The following ABRAXAS1 variants were observed in gnomAD, a reference collection of about 807,000 sequenced individuals.
ABRAXAS1 encodes the protein abraxas 1, BRCA1 A complex subunit, also known as BRCA1-A complex subunit Abraxas 1.
In ABRAXAS1, 26 loss-of-function variants were observed where a neutral mutation model predicts 38.4. The observed-to-expected ratio is 0.68, with a 90% CI of 0.50 to 0.94. ABRAXAS1 has a LOEUF of 0.94. ABRAXAS1 is among the 40% of genes least tolerant of loss of function. The pLI is 0.00. For synonymous variants in ABRAXAS1, 144 were observed against 165.5 expected (o/e 0.87, Z 1.00); for missense variants, 438 against 481.9 (o/e 0.91, Z 0.85).
intron 4 of ABRAXAS1, among the ~76,000 whole-genome samples, chr4:83,470,601 G>C (rs368005955): frequency 2.6e-5 from 4 of 151,760 alleles, no homozygotes; most frequent in African/African-American, 9.7e-5. Flanking sequence ...CATTTGAAAG[G>C]GTACGGTTTT....
chr4:83,468,028 C>T (rs911509338), intron 6 of ABRAXAS1, among the ~76,000 whole-genome samples: 5 of 152,100 alleles, frequency 3.3e-5, no homozygotes, highest in African/African-American at 9.7e-5. Context: ...TCTTGCCGGG[C>T]GCGGTGGCTC....
At chr4:83,481,018 GCTA>G (rs1158012250) in intron 2 of ABRAXAS1, among the ~76,000 whole-genome samples, 1 of 151,952 alleles carries the variant, frequency 6.6e-6, no homozygotes, top group African/African-American at 2.4e-5. Flanking sequence ...TGTAATCCCA[GCTA>G]CTTGGGAGGC....
intron 7 of ABRAXAS1, among the ~76,000 whole-genome samples, chr4:83,466,205 T>G (rs1469602256): frequency 1.3e-5 from 2 of 152,184 alleles, no homozygotes; most frequent in African/African-American, 4.8e-5. Context: ...CCCCCTCTCC[T>G]TTCTCAGGGG....
intron 1 of ABRAXAS1, 143 bp downstream of exon 1, chr4:83,484,843 G>T (rs1403468478): frequency 1.7e-6 from 1 of 590,336 alleles, no homozygotes; most frequent in East Asian, 3.4e-5. Context: ...CGCTGAGGGG[G>T]AGAGAAGGCA....
chr4:83,459,889 T>A lies in ABRAXAS1; in HGVS notation c.*2580A>T. 6.4e-6 allele frequency: 7 copies of A among 1,099,744 alleles called. No individual in the cohort carries two copies. The highest frequency in any genetic ancestry group is 9.3e-6 in the Non-Finnish European group (7 of 751,830). The allele number at this position is 1,099,744 out of a possible 1,614,324, so 68.1% of individuals were successfully genotyped here. On this transcript the variant is annotated 3_prime_UTR_variant, in exon 9 of 9. Transcript: ENST00000321945. ...TAAGAAAACTCAAATTTTCAAATTG[T>A]GCTATAAATTACTACTAGATCAGAT...
At chr4:83,467,409 G>T in intron 7 of ABRAXAS1, 45 bp downstream of exon 7, 1 of 1,049,344 alleles carries the variant, frequency 9.5e-7, no homozygotes, top group South Asian at 1.3e-5. Flanking sequence ...AACTTGATAT[G>T]AACTCTATCT....
intron 3 of ABRAXAS1, 95 bp from the exon 4 acceptor site, chr4:83,472,383 C>A: frequency 1.5e-6 from 1 of 664,938 alleles, no homozygotes. Flanking sequence ...ACCCAACTAC[C>A]AAAGCCCATA....
chr4:83,473,827 T>TA (rs1389244475), intron 3 of ABRAXAS1, among the ~76,000 whole-genome samples: 1 of 151,306 alleles, frequency 6.6e-6, no homozygotes. Context: ...CATAATTTTT[T>TA]AAAAAGTGAC....
Position 83,461,245 on chromosome 4 carries a change from T to C in ABRAXAS1, c.*1224A>G, listed in dbSNP as rs781318612. The C allele has an allele frequency of 4.4e-5, 69 of 1,552,828 alleles. No individual in the cohort carries two copies. The highest frequency in any genetic ancestry group is 5.9e-5 in the Non-Finnish European group (67 of 1,127,200). On this transcript the variant is annotated 3_prime_UTR_variant, in exon 9 of 9. Coordinates refer to ENST00000321945, the MANE Select transcript of ABRAXAS1 (RefSeq NM_139076.3). ...AAACTTATTTTACAGTAAGTGGTTG[T>C]ATGATGCCAATACTGACTCAAACCA...
chr4:83,459,901 C>T lies in ABRAXAS1; in HGVS notation c.*2568G>A. The T allele has an allele frequency of 3.2e-6, 3 of 950,654 alleles. No individual in the cohort carries two copies. The highest frequency in any genetic ancestry group is 4.8e-6 in the Non-Finnish European group (3 of 626,498). 58.9% of individuals were successfully genotyped at this position (950,654 alleles called of 1,614,324 possible). A position where few individuals can be genotyped will look rare whatever the true frequency, so the allele number is the denominator to read the frequency against. ...AATTTTCAAATTGTGCTATAAATTA[C>T]TACTAGATCAGATACTACAGGGACT... On this transcript the variant is annotated 3_prime_UTR_variant, in exon 9 of 9. Transcript: ENST00000321945.
Position 83,462,908 on chromosome 4 carries a change from C to T in ABRAXAS1, c.797-6G>A. 1 of 1,535,706 alleles carries T rather than the reference C, an allele frequency of 6.5e-7. No homozygotes were observed. The highest frequency in any genetic ancestry group is 8.8e-7 in the Non-Finnish European group (1 of 1,141,434). On this transcript the variant is annotated splice_region_variant and splice_polypyrimidine_tract_variant and intron_variant, in intron 8 of 8. Coordinates refer to ENST00000321945, the MANE Select transcript of ABRAXAS1 (RefSeq NM_139076.3). ...TTTTTGGATGTTCTTCTCTCCTAAA[C>T]AAAATAGAATAACAGTTCAACATAT...
intron 2 of ABRAXAS1, 76 bp downstream of exon 2, chr4:83,482,078 G>A (rs1723016889): frequency 4.3e-6 from 4 of 929,822 alleles, no homozygotes; most frequent in East Asian, 2.6e-5. Context: ...AATAATTTAC[G>A]CTGACCCCTT....
intron 4 of ABRAXAS1, 99 bp from the exon 5 acceptor site, chr4:83,470,495 T>A: frequency 2.3e-6 from 2 of 852,850 alleles, no homozygotes; most frequent in Non-Finnish European, 3.5e-6. Context: ...ATGGCTTTCT[T>A]AATATTTAGA....
chr4:83,480,547 G>T (rs6855427), intron 2 of ABRAXAS1, among the ~76,000 whole-genome samples: 20,625 of 152,074 alleles, frequency 0.14, 4,627 homozygotes, highest in African/African-American at 0.47. Context: ...TTTTAAACTT[G>T]TAAAGTAGCA....
chr4:83,462,576 C>G lies in ABRAXAS1; in HGVS notation c.1123G>C (p.Gly375Arg), dbSNP rs756892998. 7 of 1,614,094 alleles carry G rather than the reference C, an allele frequency of 4.3e-6. No individual in the cohort carries two copies. The highest frequency in any genetic ancestry group is 5.9e-6 in the Non-Finnish European group (7 of 1,179,998). Reference protein sequence around the residue: ...TQDKRSKADTGSSNQDKASKM... With the variant: ...TQDKRSKADTRSSNQDKASKM... Reference sequence around the variant, plus strand: ...GATGCTTTATCTTGGTTACTACTACCAGTATCTGCTTTAGATCGTTTGTCT... The same window carrying G: ...GATGCTTTATCTTGGTTACTACTACGAGTATCTGCTTTAGATCGTTTGTCT... Residue 375 changes from glycine (G) to arginine (R), a missense_variant, in exon 9 of 9, where the codon GGT becomes CGT. By Grantham distance (125) the Gly-to-Arg change is moderately radical. Around this residue, in one of 3 missense-constraint regions of ABRAXAS1, gnomAD observed 184 missense variants for 181.9 expected, o/e 1.01. Coordinates refer to ENST00000321945, the MANE Select transcript of ABRAXAS1 (RefSeq NM_139076.3).
intron 7 of ABRAXAS1, among the ~76,000 whole-genome samples, chr4:83,465,206 G>A (rs1045539186): frequency 2.1e-5 from 3 of 143,690 alleles, no homozygotes; most frequent in Admixed American, 7.6e-5. Context: ...TGAGACAAGA[G>A]AATCTCTTGA....
chr4:83,472,086 A>C (rs934220205), intron 4 of ABRAXAS1, 136 bp downstream of exon 4: 5 of 469,066 alleles, frequency 1.1e-5, no homozygotes, highest in African/African-American at 8.2e-5. Flanking sequence ...GGGAAGAACA[A>C]ACCTTTTCTT....
intron 2 of ABRAXAS1, chr4:83,479,968 A>T (rs2110047530): frequency 6.4e-6 from 1 of 157,136 alleles, no homozygotes; most frequent in Non-Finnish European, 1.4e-5. Flanking sequence ...CTCAAAAAAA[A>T]AAAAAACAAA....
chr4:83,465,025 G>C (rs1372905263), intron 7 of ABRAXAS1, among the ~76,000 whole-genome samples: 3 of 152,100 alleles, frequency 2.0e-5, no homozygotes, highest in Non-Finnish European at 4.4e-5. Context: ...GCCGGGCAAG[G>C]TGGCTCACAC....
Sources: allele counts gnomAD v4.1 joint callset (sites outside exome capture counted in the v4.1 genomes callset), GRCh38; gene constraint gnomAD v4.1.1; regional missense constraint gnomAD v4.1.1; transcripts MANE v1.5; gene names NCBI Gene and HGNC (gene_info 2026-07-23, HGNC 2026-07-21).